GRM4: variants seen among roughly 807,000 people sequenced by gnomAD.
GRM4 encodes the protein glutamate metabotropic receptor 4.
A neutral mutation model predicts 81.7 loss-of-function variants in GRM4; 28 were observed. That is an observed-to-expected ratio of 0.34 (90% CI 0.25 to 0.47). GRM4 has a LOEUF of 0.47. Among genes scored for constraint, GRM4 ranks in the 20% least tolerant of loss-of-function variants. GRM4 has a pLI of 1.00. For missense variants in GRM4, 948 were observed against 1,290.0 expected (o/e 0.73, Z 4.06); for synonymous variants, 488 against 528.8 (o/e 0.92, Z 1.06).
chr6:34,060,413 T>C (rs996008815), intron 4 of GRM4: 1 of 152,238 alleles, frequency 6.6e-6, no homozygotes, highest in African/African-American at 2.4e-5. Flanking sequence ...CTTCTGAAAA[T>C]GCGTGTGGAT....
rs1384930819 is a variant in GRM4, at chr6:34,034,311, C to T, written c.2442+1357G>A. ...TCAAAGCATGGTGTCCTCCTTGACT[C>T]GACTGTCTCCTCGTCTCCCACCCAA... On this transcript the variant is annotated intron_variant, in intron 9 of 10. Coordinates refer to ENST00000538487, the MANE Select transcript of GRM4 (RefSeq NM_000841.4). The surrounding 1 kb of genome is among the most constrained non-coding windows in gnomAD (Gnocchi z 4.0). Among the ~76,000 whole-genome samples the T allele has an allele frequency of 2.6e-5, 4 of 152,156 alleles. No homozygotes were observed. Among genetic ancestry groups the T allele is most frequent in the African/African-American group, 7.2e-5 (3 of 41,428 alleles).
rs1325404947 is a variant in GRM4, at chr6:34,135,909, G to T, written c.-363-2050C>A. ...TGAGTTGGAGTGAAATCCAATCTGG[G>T]GGCCATACTGCCCCTGCTGACAAAT... On this transcript the variant is annotated intron_variant, in intron 1 of 10. Coordinates refer to ENST00000538487, the MANE Select transcript of GRM4 (RefSeq NM_000841.4). 2.6e-5 allele frequency among the ~76,000 whole-genome samples: 4 copies of T among 152,152 alleles called. No homozygotes were observed. In the East Asian group the frequency reaches 7.7e-4, roughly 29 times the overall value.
At chr6:34,084,517 G>A (rs563851271) in intron 3 of GRM4, among the ~76,000 whole-genome samples, 32 of 152,136 alleles carry the variant, frequency 2.1e-4, no homozygotes, top group South Asian at 4.1e-4. Context: ...CAGGGAGGAG[G>A]GGCCTTGGCT....
At position 34,110,847 on chromosome 6, in the gene GRM4, C is replaced by T. The variant is rs1427274568; in HGVS notation, c.520-18748G>A. On this transcript the variant is annotated intron_variant, in intron 2 of 10. Coordinates refer to ENST00000538487, the MANE Select transcript of GRM4 (RefSeq NM_000841.4). ...AGCTCTCCTCTGCCCAGCCTTCCTC[C>T]AGCTCAGGCCTGGAGGTGAGGAGAT... 1.1e-5 allele frequency: 15 copies of T among 1,350,648 alleles called. No homozygotes were observed. In the East Asian group the frequency reaches 4.1e-4, roughly 37 times the overall value. 83.7% of individuals were successfully genotyped at this position (1,350,648 alleles called of 1,614,324 possible).
At chr6:34,024,445 G>A (rs1764034140) in intron 10 of GRM4, 1 of 317,256 alleles carries the variant, frequency 3.2e-6, no homozygotes, top group Non-Finnish European at 6.3e-6. Flanking sequence ...TTACGGCAGA[G>A]AGCAACAAAC....
chr6:34,036,596 C>T lies in GRM4; in HGVS notation c.1514G>A (p.Arg505Gln), dbSNP rs561013910. The change falls in exon 9 of 11, where the codon CGG (arginine) becomes CAG (glutamine). Residue 505 changes from arginine to glutamine, a missense_variant. Coordinates refer to ENST00000538487, the MANE Select transcript of GRM4 (RefSeq NM_000841.4). The surrounding 1 kb of genome is among the most constrained non-coding windows in gnomAD (Gnocchi z 9.0). ...WTDHLHLRIE[R>Q]MHWPGSGQQL... ...CTGCCCGCTCCCCGGCCAGTGCATC[C>T]GCTCTATCTGGCAATGACAGCACCG... The T allele has an allele frequency of 2.2e-5, 35 of 1,560,236 alleles. No individual in the cohort carries two copies. Among genetic ancestry groups the T allele is most frequent in the East Asian group, 4.5e-5 (2 of 44,474 alleles).
intron 2 of GRM4, chr6:34,110,904 G>C (rs988748112): frequency 8.1e-7 from 1 of 1,237,384 alleles, no homozygotes; most frequent in Non-Finnish European, 1.0e-6. Flanking sequence ...CAGGCTGGGA[G>C]TATGGACAGT....
Position 34,070,538 on chromosome 6 carries a change from A to G in GRM4, c.737-8510T>C, listed in dbSNP as rs1766764789. Among the ~76,000 whole-genome samples, 1 of 151,960 alleles carries G rather than the reference A, an allele frequency of 6.6e-6. No individual in the cohort carries two copies. Among genetic ancestry groups the G allele is most frequent in the Non-Finnish European group, 1.5e-5 (1 of 67,962 alleles). On this transcript the variant is annotated intron_variant, in intron 3 of 10. Transcript: ENST00000538487. The surrounding 1 kb of genome is among the most constrained non-coding windows in gnomAD (Gnocchi z 4.6). ...GGGCCCAGTGTAGTGGTGTTTGTGC[A>G]GGTCTGCCCCCTGGAGCCAACACCT... is the stretch of plus-strand genomic sequence containing the variant.
intron 3 of GRM4, among the ~76,000 whole-genome samples, chr6:34,072,959 C>T (rs1234255801): frequency 7.6e-6 from 1 of 131,182 alleles, no homozygotes; most frequent in Non-Finnish European, 1.6e-5. Context: ...ACACCACACA[C>T]ATGCATCACC....
Position 34,037,731 on chromosome 6 carries a change from C to T in GRM4, c.1507-1128G>A, listed in dbSNP as rs554255279. Among the ~76,000 whole-genome samples the T allele has an allele frequency of 9.4e-4, 143 of 151,974 alleles. 2 individuals carry two copies. Among genetic ancestry groups the T allele is most frequent in the Admixed American group, 3.7e-3 (56 of 15,266 alleles). ...TACAAAAATTAGCTGGGTGTGGTGG[C>T]GTGCACCTATAATCCTAGCTACTCA... On this transcript the variant is annotated intron_variant, in intron 8 of 10. Transcript: ENST00000538487.
chr6:34,095,470 C>T (rs1005000092), intron 2 of GRM4, among the ~76,000 whole-genome samples: 2 of 92,988 alleles, frequency 2.2e-5, no homozygotes, highest in African/African-American at 5.8e-5. Context: ...ACTTCACCTC[C>T]CCGGCCTCAG....
intron 2 of GRM4, among the ~76,000 whole-genome samples, chr6:34,122,592 A>C (rs1266553356): frequency 1.4e-5 from 2 of 138,220 alleles, no homozygotes; most frequent in East Asian, 2.6e-4. Context: ...AAATGAAGGC[A>C]CATGGTTCAT....
At chr6:34,143,803 CTCCGT>C (rs1770803592) in intron 1 of GRM4, among the ~76,000 whole-genome samples, 1 of 152,186 alleles carries the variant, frequency 6.6e-6, no homozygotes, top group African/African-American at 2.4e-5. Context: ...GGATGGGGTG[CTCCGT>C]ATGGAGACCC....
chr6:34,027,106 G>T (rs1429991433), intron 10 of GRM4, among the ~76,000 whole-genome samples: 2 of 152,164 alleles, frequency 1.3e-5, no homozygotes, highest in Non-Finnish European at 2.9e-5. Context: ...GCACCCGAAG[G>T]GAACCCCAGG....
chr6:34,043,779 G>A (rs960513566), intron 6 of GRM4, among the ~76,000 whole-genome samples: 3 of 152,120 alleles, frequency 2.0e-5, no homozygotes, highest in Non-Finnish European at 2.9e-5. Context: ...TGGATATCCC[G>A]CAGGAGCCCC....
At chr6:34,038,066 C>G (rs912956991) in intron 8 of GRM4, among the ~76,000 whole-genome samples, 4 of 152,100 alleles carry the variant, frequency 2.6e-5, no homozygotes, top group African/African-American at 9.7e-5. Flanking sequence ...CGAGACGGTC[C>G]CTGTGGACTG....
At chr6:34,051,667 T>C (rs1175870611) in intron 6 of GRM4, among the ~76,000 whole-genome samples, 2 of 152,276 alleles carry the variant, frequency 1.3e-5, no homozygotes, top group Non-Finnish European at 2.9e-5. Context: ...GCAGGCGCTA[T>C]CTTCCCGTAG....
In GRM4 at chr6:34,036,483, C is replaced by T. The variant is rs1316923134; in HGVS notation, c.1627G>A (p.Glu543Lys). The change falls in exon 9 of 11, where the codon GAG becomes AAG. Residue 543 changes from glutamate (E) to lysine (K), a missense_variant. By Grantham distance (56) the Glu-to-Lys change is moderately conservative (BLOSUM62 1). Transcript: ENST00000538487. The surrounding 1 kb of genome is among the most constrained non-coding windows in gnomAD (Gnocchi z 9.0). ...TGGTACTGGTACCCTGTGCAAGGCT[C>T]GCAGTGCCAGCAGCAAGGCATGCCC... ...VKGMPCCWHC[E>K]PCTGYQYQVD... The T allele has an allele frequency of 9.9e-6, 16 of 1,613,170 alleles. No individual in the cohort carries two copies. The highest frequency in any genetic ancestry group is 1.2e-5 in the Non-Finnish European group (14 of 1,179,624).
chr6:34,056,438 CCGGCCG>C, intron 6 of GRM4, 100 bp downstream of exon 6: 1 of 1,059,908 alleles, frequency 9.4e-7, no homozygotes, highest in Non-Finnish European at 1.4e-6. Context: ...CCTGCCACGG[CCGGCCG>C]ACGACAGACA....
Sources: allele counts gnomAD v4.1 joint callset (sites outside exome capture counted in the v4.1 genomes callset), GRCh38; gene constraint gnomAD v4.1.1; non-coding constraint Gnocchi (gnomAD v3.1); transcripts MANE v1.5; gene names NCBI Gene and HGNC (gene_info 2026-07-23, HGNC 2026-07-21).